The following FOXN3 variants were observed in gnomAD, a reference collection of about 807,000 sequenced individuals.
FOXN3 encodes the protein forkhead box N3.
FOXN3 carries 7 observed loss-of-function variants against 38.4 expected under a neutral mutation model. The ratio of observed to expected loss-of-function variants is 0.18; its 90% CI spans 0.10 to 0.34. The LOEUF is 0.34. FOXN3 is among the 10% of genes least tolerant of loss of function. The pLI is 1.00. For missense variants in FOXN3, 456 were observed against 613.4 expected, an observed-to-expected ratio of 0.74 and a Z score of 2.71; for synonymous variants, 230 against 242.2, an observed-to-expected ratio of 0.95 and a Z score of 0.47.
rs139459857 is a variant in FOXN3, at chr14:89,483,998, G to C, written c.-14-71508C>G. On this transcript the variant is annotated intron_variant, in intron 1 of 6. Transcript: ENST00000345097. Reference sequence around the variant, plus strand: ...GCAAGGTTTGTTTTAATTTGGTGCTGATTTATTCCAACATTTAGGTTAATC... The same window carrying C: ...GCAAGGTTTGTTTTAATTTGGTGCTCATTTATTCCAACATTTAGGTTAATC... Among the ~76,000 whole-genome samples, 302 of 152,326 alleles carry C rather than the reference G, an allele frequency of 2.0e-3. 1 individual carries two copies. The highest frequency in any genetic ancestry group is 6.8e-3 in the African/African-American group (284 of 41,578).
chr14:89,372,997 C>G lies in FOXN3; in HGVS notation c.544-22189G>C, dbSNP rs1466520010. On this transcript the variant is annotated intron_variant, in intron 2 of 5. Coordinates refer to ENST00000557258, the MANE Select transcript of FOXN3 (RefSeq NM_005197.4). ...CCTGAGCAACATAGGAAAATCCCAT[C>G]TCTACCAAAAATTTAAAAACTAGCT... 3.9e-5 allele frequency among the ~76,000 whole-genome samples: 6 copies of G among 152,024 alleles called. No individual in the cohort carries two copies. The South Asian group carries it at 1.2e-3, about 31-fold the overall frequency.
At chr14:89,395,427 A>G (rs554950495) in intron 2 of FOXN3, among the ~76,000 whole-genome samples, 1 of 152,286 alleles carries the variant, frequency 6.6e-6, no homozygotes, top group Admixed American at 6.5e-5. Context: ...ACCTAGTTCA[A>G]TGCTCAGTAC....
intron 1 of FOXN3, among the ~76,000 whole-genome samples, chr14:89,496,335 G>C (rs151032715): frequency 6.6e-6 from 1 of 151,196 alleles, no homozygotes; most frequent in African/African-American, 2.4e-5. Context: ...CCTCCTCTTT[G>C]ACCTCACCCA....
rs187508486 is a variant in FOXN3, at chr14:89,558,339, C to T, written c.-15+60689G>A. Among the ~76,000 whole-genome samples the T allele has an allele frequency of 3.6e-3, 554 of 152,210 alleles. 1 individual carries two copies. Among genetic ancestry groups the T allele is most frequent in the African/African-American group, 0.013 (521 of 41,552 alleles). The stretch of plus-strand genomic sequence containing the variant: ...TAGCCTGGACATGATGACCGAACCA[C>T]GAAATGGGTCATCCAGGAATGCAAT... On this transcript the variant is annotated intron_variant, in intron 1 of 6. Coordinates refer to the FOXN3 transcript ENST00000345097.
chr14:89,289,852 AGTTT>A (rs1886810029), intron 3 of FOXN3, among the ~76,000 whole-genome samples: 1 of 152,348 alleles, frequency 6.6e-6, no homozygotes, highest in East Asian at 1.9e-4. Context: ...TGTACATCTT[AGTTT>A]ATTTTTCAAC....
At chr14:89,248,025 T>C (rs1388882452) in intron 4 of FOXN3, among the ~76,000 whole-genome samples, 1 of 152,214 alleles carries the variant, frequency 6.6e-6, no homozygotes, top group Non-Finnish European at 1.5e-5. Flanking sequence ...GGAATCGATA[T>C]CAATTCTTCA....
intron 3 of FOXN3, among the ~76,000 whole-genome samples, chr14:89,325,309 ACCACGACCACCAC>A (rs1888034708): frequency 7.9e-6 from 1 of 126,402 alleles, no homozygotes; most frequent in Non-Finnish European, 1.7e-5. Flanking sequence ...CAACACCACC[ACCACGACCACCAC>A]CACCACCACC....
intron 4 of FOXN3, among the ~76,000 whole-genome samples, chr14:89,243,622 T>A (rs192858326): frequency 6.6e-6 from 1 of 152,220 alleles, no homozygotes; most frequent in Admixed American, 6.5e-5. Flanking sequence ...ATAATAATGC[T>A]GCCCTTTCAT....
chr14:89,336,902 A>G (rs999501274), intron 3 of FOXN3, among the ~76,000 whole-genome samples: 47 of 152,202 alleles, frequency 3.1e-4, no homozygotes, highest in African/African-American at 1.1e-3. Flanking sequence ...AACTTCAACA[A>G]CTCTGATGAT....
Position 89,225,706 on chromosome 14 carries a change from A to T in FOXN3, c.746-44900T>A, listed in dbSNP as rs181068193. ...ACCCCCTCCCTCACTGTCCTGAAGC[A>T]TCATCCGCTGACCTGAGTTTGCCTT... On this transcript the variant is annotated intron_variant, in intron 4 of 5. Transcript: ENST00000557258. Among the ~76,000 whole-genome samples, 4 of 152,376 alleles carry T rather than the reference A, an allele frequency of 2.6e-5. No homozygotes were observed. In the East Asian group the frequency reaches 7.7e-4, roughly 29 times the overall value.
At chr14:89,185,307 G>T (rs750042058) in intron 4 of FOXN3, among the ~76,000 whole-genome samples, 2 of 152,148 alleles carry the variant, frequency 1.3e-5, no homozygotes, top group Admixed American at 1.3e-4. Flanking sequence ...TGTCAGGAAC[G>T]TGGCTTCTGA....
At chr14:89,413,133 G>C (rs1475123818) in intron 1 of FOXN3, among the ~76,000 whole-genome samples, 1 of 152,108 alleles carries the variant, frequency 6.6e-6, no homozygotes, top group African/African-American at 2.4e-5. Context: ...AAAACGAGGA[G>C]GTGGTACGTT....
intron 3 of FOXN3, among the ~76,000 whole-genome samples, chr14:89,340,566 A>G (rs1056415715): frequency 1.3e-5 from 2 of 152,208 alleles, no homozygotes; most frequent in South Asian, 2.1e-4. Context: ...TGTAAGAAAA[A>G]CAAAAGGTTA....
intron 4 of FOXN3, among the ~76,000 whole-genome samples, chr14:89,271,946 T>C (rs375552956): frequency 7.9e-5 from 12 of 152,218 alleles, no homozygotes; most frequent in African/African-American, 2.4e-4. Context: ...AGCAGAACAA[T>C]TGCTTCAGGC....
chr14:89,267,372 C>T (rs537274561), intron 4 of FOXN3, among the ~76,000 whole-genome samples: 4 of 152,170 alleles, frequency 2.6e-5, no homozygotes, highest in South Asian at 2.1e-4. Flanking sequence ...GCTGGGCTGA[C>T]GCTGGAAAGA....
intron 2 of FOXN3, among the ~76,000 whole-genome samples, chr14:89,375,501 ATT>A (rs535820030): frequency 6.6e-5 from 10 of 152,204 alleles, no homozygotes; most frequent in Non-Finnish European, 1.0e-4. Flanking sequence ...ACAAAGAAAT[ATT>A]GTTTCAGCCA....
At chr14:89,554,193 G>A (rs1442302213) in intron 1 of FOXN3, among the ~76,000 whole-genome samples, 1 of 152,070 alleles carries the variant, frequency 6.6e-6, no homozygotes, top group East Asian at 1.9e-4. Flanking sequence ...GTAGAGACAG[G>A]GTTTCACCAA....
chr14:89,502,233 T>C (rs1161271076), intron 1 of FOXN3, among the ~76,000 whole-genome samples: 1 of 152,054 alleles, frequency 6.6e-6, no homozygotes, highest in East Asian at 1.9e-4. Context: ...CAGTCAAAAT[T>C]TACAAACATG....
intron 1 of FOXN3, among the ~76,000 whole-genome samples, chr14:89,535,579 G>A (rs1457198518): frequency 6.6e-6 from 1 of 152,182 alleles, no homozygotes; most frequent in Non-Finnish European, 1.5e-5. Flanking sequence ...AAGAGGTGCT[G>A]TTAAGTTGTC....
Sources: allele counts gnomAD v4.1 joint callset (sites outside exome capture counted in the v4.1 genomes callset), GRCh38; gene constraint gnomAD v4.1.1; transcripts MANE v1.5; gene names NCBI Gene and HGNC (gene_info 2026-07-23, HGNC 2026-07-21).